SPRR2G: variants seen among roughly 807,000 people sequenced by gnomAD.
The protein encoded by SPRR2G is small proline-rich protein 2G.
Under a neutral mutation model 0.7 loss-of-function variants are expected in SPRR2G, and 1 was observed. The ratio of observed to expected loss-of-function variants is 1.49; its 90% CI spans 0.53 to 7.06. The LOEUF (loss-of-function observed/expected upper bound fraction) is 7.06, where lower values mean the gene tolerates loss of function less well. Ranked by LOEUF, SPRR2G falls within the 30% of genes most tolerant of loss-of-function variation. The pLI is 0.14. For synonymous variants in SPRR2G, 38 were observed against 33.9 expected (o/e 1.12, Z -0.42); for missense variants, 96 against 88.5 (o/e 1.09, Z -0.34).
chr1:153,195,683 A>T, the SPRR2G span, among the ~76,000 whole-genome samples: 1 of 152,178 alleles, frequency 6.6e-6, no homozygotes, highest in African/African-American at 2.4e-5. Context: ...CAATCAAGAC[A>T]ATTACAACAT....
At chr1:153,168,441 A>G in the SPRR2G span, among the ~76,000 whole-genome samples, 1 of 152,216 alleles carries the variant, frequency 6.6e-6, no homozygotes, top group South Asian at 2.1e-4. Context: ...GATTTCCCTC[A>G]CAGTCTCATT....
At chr1:153,157,832 C>A in the SPRR2G span, among the ~76,000 whole-genome samples, 3 of 149,964 alleles carry the variant, frequency 2.0e-5, no homozygotes, top group African/African-American at 7.4e-5. Flanking sequence ...TCACAGTTCC[C>A]CATGGCTGGA....
At chr1:153,170,535 G>T in the SPRR2G span, among the ~76,000 whole-genome samples, 4 of 152,202 alleles carry the variant, frequency 2.6e-5, no homozygotes, top group African/African-American at 9.6e-5. Flanking sequence ...AGGCAGAAAA[G>T]GTAGACCTGG....
chr1:153,199,025 A>T, the SPRR2G span, among the ~76,000 whole-genome samples: 2,501 of 152,304 alleles, frequency 0.016, 59 homozygotes, highest in African/African-American at 0.056. Flanking sequence ...CAACTGTAAC[A>T]ATTACTGCAG....
the SPRR2G span, among the ~76,000 whole-genome samples, chr1:153,199,408 G>A: frequency 4.6e-5 from 7 of 152,316 alleles, no homozygotes; most frequent in African/African-American, 7.2e-5. Flanking sequence ...AGCAGGGAGA[G>A]GAGAGTCTGT....
chr1:153,151,099 C>T (rs1048519671), upstream of SPRR2G, among the ~76,000 whole-genome samples: 3 of 152,246 alleles, frequency 2.0e-5, no homozygotes, highest in African/African-American at 7.2e-5. Context: ...GTTCCTCATG[C>T]CAGTGGCAAT....
the SPRR2G span, among the ~76,000 whole-genome samples, chr1:153,171,092 C>G: frequency 1.3e-5 from 2 of 152,192 alleles, no homozygotes; most frequent in Admixed American, 6.5e-5. Flanking sequence ...CTGTTCTTGT[C>G]ACTAGTGTTT....
the SPRR2G span, among the ~76,000 whole-genome samples, chr1:153,162,659 AGGACACATCAT>A: frequency 6.6e-6 from 1 of 152,156 alleles, no homozygotes; most frequent in African/African-American, 2.4e-5. Context: ...GTCCTAAAGC[AGGACACATCAT>A]GGACTGGGAA....
chr1:153,200,558 G>T, the SPRR2G span, among the ~76,000 whole-genome samples: 3 of 152,158 alleles, frequency 2.0e-5, no homozygotes, highest in African/African-American at 7.2e-5. Context: ...AATATGACTG[G>T]CATGTTATGA....
chr1:153,166,596 G>A, the SPRR2G span, among the ~76,000 whole-genome samples: 1 of 152,092 alleles, frequency 6.6e-6, no homozygotes, highest in Non-Finnish European at 1.5e-5. Flanking sequence ...TGGGCCTCTG[G>A]ACAGCAGAGG....
the SPRR2G span, among the ~76,000 whole-genome samples, chr1:153,174,886 G>T: frequency 6.6e-6 from 1 of 152,246 alleles, no homozygotes; most frequent in Middle Eastern, 3.4e-3. Flanking sequence ...AAAATGACCT[G>T]GATGGATGCT....
the SPRR2G span, among the ~76,000 whole-genome samples, chr1:153,198,473 G>A: frequency 6.6e-6 from 1 of 152,230 alleles, no homozygotes; most frequent in African/African-American, 2.4e-5. Context: ...GGCTGTGAGA[G>A]AATGGGGGAC....
chr1:153,185,090 T>C, the SPRR2G span, among the ~76,000 whole-genome samples: 1 of 152,238 alleles, frequency 6.6e-6, no homozygotes, highest in Non-Finnish European at 1.5e-5. Flanking sequence ...TTTGATGTGC[T>C]GCTGGATTCA....
At chr1:153,156,580 C>T in the SPRR2G span, among the ~76,000 whole-genome samples, 6 of 152,074 alleles carry the variant, frequency 3.9e-5, no homozygotes, top group Non-Finnish European at 7.4e-5. Context: ...TTTAAATACG[C>T]GCTGTTTTCC....
the SPRR2G span, among the ~76,000 whole-genome samples, chr1:153,197,045 C>G: frequency 1.3e-5 from 2 of 152,070 alleles, no homozygotes; most frequent in Non-Finnish European, 2.9e-5. Context: ...CCTTCCCTAC[C>G]GTGCCTGGCC....
the SPRR2G span, among the ~76,000 whole-genome samples, chr1:153,193,612 C>T: frequency 4.6e-5 from 7 of 152,088 alleles, no homozygotes; most frequent in South Asian, 4.2e-4. Context: ...TTCAAGTCTC[C>T]GAAAGAGATG....
chr1:153,158,564 T>G, the SPRR2G span, among the ~76,000 whole-genome samples: 2 of 152,206 alleles, frequency 1.3e-5, no homozygotes, highest in Non-Finnish European at 2.9e-5. Flanking sequence ...AGGTGCACGG[T>G]GCAAGCTGTC....
the SPRR2G span, among the ~76,000 whole-genome samples, chr1:153,163,763 A>G: frequency 6.6e-6 from 1 of 152,126 alleles, no homozygotes; most frequent in Non-Finnish European, 1.5e-5. Context: ...CCCTGTTGGG[A>G]GGCCATAGGA....
upstream of SPRR2G, among the ~76,000 whole-genome samples, chr1:153,152,511 G>A (rs1403180145): frequency 4.6e-5 from 7 of 152,302 alleles, no homozygotes; most frequent in East Asian, 1.4e-3. Context: ...AATTTGAAGA[G>A]GTAGGAACGT....
Sources: gnomAD v4.1 joint callset for allele counts (sites outside exome capture counted in the v4.1 genomes callset) on GRCh38, gnomAD v4.1.1 for gene constraint, MANE v1.5 for transcripts, NCBI Gene and HGNC (gene_info 2026-07-23, HGNC 2026-07-21) for gene names.